Variants in ATG4B observed in about 807,000 individuals in gnomAD.
ATG4B encodes cysteine protease ATG4B.
In ATG4B, 29 loss-of-function variants were observed where a neutral mutation model predicts 56.6. The ratio of observed to expected loss-of-function variants is 0.51; its 90% CI spans 0.38 to 0.70. ATG4B has a LOEUF of 0.70. ATG4B is among the 30% of genes least tolerant of loss of function. ATG4B has a pLI of 0.00. For synonymous variants in ATG4B, 224 were observed against 206.1 expected (o/e 1.09, Z -0.74); for missense variants, 461 against 515.5 (o/e 0.89, Z 1.02).
intron 4 of ATG4B, among the ~76,000 whole-genome samples, chr2:241,654,293 T>A (rs1166247778): frequency 6.6e-6 from 1 of 151,834 alleles, no homozygotes; most frequent in South Asian, 2.1e-4. Context: ...TGGTGACATG[T>A]GCCTGTAGTC....
chr2:241,650,482 G>A (rs1022069639), intron 1 of ATG4B, among the ~76,000 whole-genome samples: 4 of 152,094 alleles, frequency 2.6e-5, no homozygotes, highest in African/African-American at 7.2e-5. Flanking sequence ...CTCTGAACAC[G>A]CTGCCATGGT....
At chr2:241,650,678 GC>G (rs1356966399) in intron 1 of ATG4B, among the ~76,000 whole-genome samples, 2 of 152,034 alleles carry the variant, frequency 1.3e-5, no homozygotes, top group African/African-American at 4.8e-5. Context: ...CCTCAGGTTG[GC>G]CCCTAACTTG....
At chr2:241,671,061 T>C (rs773058205) in intron 11 of ATG4B, among the ~76,000 whole-genome samples, 4 of 152,158 alleles carry the variant, frequency 2.6e-5, no homozygotes, top group African/African-American at 7.2e-5. Context: ...ATGGGGGTGG[T>C]GATGGGGTGC....
chr2:241,656,196 C>A (rs1055345474), intron 6 of ATG4B, among the ~76,000 whole-genome samples: 7 of 152,188 alleles, frequency 4.6e-5, no homozygotes, highest in Non-Finnish European at 8.8e-5. Flanking sequence ...TCTCCCCTCA[C>A]CCACAGCCTG....
At position 241,668,683 on chromosome 2, in the gene ATG4B, G is replaced by A; in HGVS notation, c.955G>A (p.Val319Met). 6.4e-7 allele frequency: 1 copy of A among 1,570,000 alleles called. No individual in the cohort carries two copies. The highest frequency in any genetic ancestry group is 1.9e-5 in the Admixed American group (1 of 53,594). Reference protein sequence around the residue: ...SIAELDPSIAVGFFCKTEDDF... With the variant: ...SIAELDPSIAMGFFCKTEDDF... ...CGCGGAGCTTGACCCGTCCATCGCTGTGGTACGTGGCGGCCACCTGAGCAC... is the reference window on the plus strand; with the variant it reads ...CGCGGAGCTTGACCCGTCCATCGCTATGGTACGTGGCGGCCACCTGAGCAC... The change falls in exon 10 of 13, where the codon GTG becomes ATG. Residue 319 changes from valine to methionine, a missense_variant and splice_region_variant. By Grantham distance (21) the Val-to-Met change is conservative (BLOSUM62 1). Coordinates refer to ENST00000404914, the MANE Select transcript of ATG4B (RefSeq NM_013325.5). This position sits in a 1 kb window ranked among gnomAD's most constrained non-coding sequence, Gnocchi z 4.2.
chr2:241,641,034 A>T (rs1308094315), intron 1 of ATG4B, among the ~76,000 whole-genome samples: 5 of 152,212 alleles, frequency 3.3e-5, no homozygotes, highest in Non-Finnish European at 2.9e-5. Context: ...AATGTACTGC[A>T]GAGGGGCAAG....
chr2:241,647,478 A>C (rs1399894532), intron 1 of ATG4B, among the ~76,000 whole-genome samples: 1 of 151,844 alleles, frequency 6.6e-6, no homozygotes, highest in Non-Finnish European at 1.5e-5. Context: ...AAAATTAGCC[A>C]GGCGTGGTGG....
rs180926899 is a variant in ATG4B, at chr2:241,643,570, T to G, written c.10+5846T>G. Reference sequence around the variant, plus strand: ...GAAGTCTAGAGATGGGTCTATATATTTATTTATGTATATATGTACATATAT... The same window carrying G: ...GAAGTCTAGAGATGGGTCTATATATGTATTTATGTATATATGTACATATAT... On this transcript the variant is annotated intron_variant, in intron 1 of 12. Transcript: ENST00000404914. Among the ~76,000 whole-genome samples, 463 of 149,930 alleles carry G rather than the reference T, an allele frequency of 3.1e-3. 1 individual carries two copies. The highest frequency in any genetic ancestry group is 0.011 in the African/African-American group (445 of 41,024).
Position 241,672,314 on chromosome 2 carries a change from C to T in ATG4B, c.*50C>T. The T allele has an allele frequency of 2.7e-6, 4 of 1,484,056 alleles. No homozygotes were observed. The highest frequency in any genetic ancestry group is 1.2e-5 in the South Asian group (1 of 82,750). The allele number at this position is 1,484,056 out of a possible 1,614,324, so 91.9% of individuals were successfully genotyped here. On this transcript the variant is annotated 3_prime_UTR_variant, in exon 13 of 13. Transcript: ENST00000404914. Reference sequence around the variant, plus strand: ...CTGTGAGAGCCTGGGGCTCCTGGTGCCGCTGCGTTTCATCCATCCCGCCCG... The same window carrying T: ...CTGTGAGAGCCTGGGGCTCCTGGTGTCGCTGCGTTTCATCCATCCCGCCCG...
intron 7 of ATG4B, among the ~76,000 whole-genome samples, chr2:241,666,316 C>G (rs775832901): frequency 3.9e-5 from 6 of 152,238 alleles, no homozygotes; most frequent in Non-Finnish European, 7.3e-5. Flanking sequence ...TGTGCTGGCA[C>G]TAGCCAGGCT....
intron 7 of ATG4B, among the ~76,000 whole-genome samples, chr2:241,663,823 T>TG (rs1278966055): frequency 7.9e-5 from 12 of 151,816 alleles, no homozygotes; most frequent in African/African-American, 2.9e-4. Flanking sequence ...TTTTTTTTTT[T>TG]TTTTGGAACA....
chr2:241,638,968 T>G (rs370768657), intron 1 of ATG4B, among the ~76,000 whole-genome samples: 1 of 152,240 alleles, frequency 6.6e-6, no homozygotes, highest in East Asian at 1.9e-4. Context: ...GCCAGAGACC[T>G]CCGGCTGGCG....
chr2:241,658,713 G>A (rs1338445528), intron 6 of ATG4B, among the ~76,000 whole-genome samples: 5 of 152,244 alleles, frequency 3.3e-5, no homozygotes, highest in Non-Finnish European at 7.3e-5. Flanking sequence ...GTGTTTGGTG[G>A]AGGGGAGAGC....
chr2:241,673,521 A>G lies in ATG4B; in HGVS notation c.*1257A>G, dbSNP rs1004542518. 4.0e-5 allele frequency: 18 copies of G among 448,516 alleles called. No individual in the cohort carries two copies. The highest frequency in any genetic ancestry group is 7.2e-5 in the Non-Finnish European group (16 of 222,042). 27.8% of individuals were successfully genotyped at this position (448,516 alleles called of 1,614,324 possible). A position where few individuals can be genotyped will look rare whatever the true frequency, so the allele number is the denominator to read the frequency against. ...AGATCCCCGAGGACGCGCGCCGGAC[A>G]GTCGGCACTGACCGGCCCACCTGGT... On this transcript the variant is annotated 3_prime_UTR_variant, in exon 13 of 13. Coordinates refer to ENST00000404914, the MANE Select transcript of ATG4B (RefSeq NM_013325.5).
At chr2:241,642,809 G>A (rs2067934538) in intron 1 of ATG4B, among the ~76,000 whole-genome samples, 1 of 138,134 alleles carries the variant, frequency 7.2e-6, no homozygotes, top group Admixed American at 7.4e-5. Flanking sequence ...GGATCCAGCC[G>A]ACCAAATGGG....
chr2:241,668,215 T>C lies in ATG4B; in HGVS notation c.805T>C (p.Tyr269His), dbSNP rs567041661. 6.2e-6 allele frequency: 10 copies of C among 1,602,412 alleles called. No homozygotes were observed. The Admixed American group carries it at 1.5e-4, about 25-fold the overall frequency. The change falls in exon 9 of 13, where the codon TAC (tyrosine) becomes CAC (histidine). Residue 269 changes from tyrosine to histidine, a missense_variant. Transcript: ENST00000404914. The surrounding 1 kb of genome is among the most constrained non-coding windows in gnomAD (Gnocchi z 4.2). ...KPNSAHYFIG[Y>H]VGEELIYLDP... is the part of the protein sequence containing the mutation. ...CAACAGCGCCCACTACTTCATCGGC[T>C]ACGTTGGTGAGTCCAGGGTTCCCAC...
In ATG4B at chr2:241,653,512, G is replaced by T. The variant is rs878985852; in HGVS notation, c.185G>T (p.Gly62Val). The T allele has an allele frequency of 1.9e-6, 3 of 1,576,904 alleles. No homozygotes were observed. Among genetic ancestry groups the T allele is most frequent in the Admixed American group, 1.8e-5 (1 of 54,270 alleles). Residue 62 changes from glycine (G) to valine (V), a missense_variant and splice_region_variant, in exon 4 of 13, where the codon GGG (glycine) becomes GTG (valine). By Grantham distance (109) the Gly-to-Val change is moderately radical. Coordinates refer to ENST00000404914, the MANE Select transcript of ATG4B (RefSeq NM_013325.5). ...CTTCTCTCTCTGTCTGCCACGACAG[G>T]GGGGACAGGCCCCACCTCGGACACA... The part of the protein sequence containing the change: ...FTYRKNFPAI[G>V]GTGPTSDTGW...
At position 241,656,183 on chromosome 2, in the gene ATG4B, C is replaced by T. The variant is rs575375399; in HGVS notation, c.458+840C>T. On this transcript the variant is annotated intron_variant, in intron 6 of 12. Transcript: ENST00000404914. ...CACGTTCCACATTCCTGAAATGGCCCTGTCTCCCCTCACCCACAGCCTGCT... is the reference window on the plus strand; with the variant it reads ...CACGTTCCACATTCCTGAAATGGCCTTGTCTCCCCTCACCCACAGCCTGCT... Among the ~76,000 whole-genome samples the T allele has an allele frequency of 2.0e-3, 304 of 152,306 alleles. 1 individual carries two copies. Among genetic ancestry groups the T allele is most frequent in the African/African-American group, 7.0e-3 (292 of 41,558 alleles).
intron 1 of ATG4B, among the ~76,000 whole-genome samples, chr2:241,649,570 G>A (rs2068167085): frequency 6.6e-6 from 1 of 152,204 alleles, no homozygotes; most frequent in Admixed American, 6.5e-5. Flanking sequence ...GTTCCCTGAA[G>A]AGCAGCTGGA....
Sources: gnomAD v4.1 joint callset for allele counts (sites outside exome capture counted in the v4.1 genomes callset) on GRCh38, gnomAD v4.1.1 for gene constraint, Gnocchi (gnomAD v3.1) non-coding constraint, MANE v1.5 for transcripts, NCBI Gene and HGNC (gene_info 2026-07-23, HGNC 2026-07-21) for gene names.